KDM1A: variants seen among roughly 807,000 people sequenced by gnomAD.
The protein encoded by KDM1A is lysine-specific histone demethylase 1A.
In KDM1A, 49 loss-of-function variants were observed where a neutral mutation model predicts 109.4. The ratio of observed to expected loss-of-function variants is 0.45; its 90% confidence interval spans 0.36 to 0.57. The LOEUF (loss-of-function observed/expected upper bound fraction) is 0.57, where lower values mean the gene tolerates loss of function less well. Ranked by LOEUF, KDM1A falls within the 20% of genes least tolerant of loss-of-function variation. The pLI, the probability that KDM1A is intolerant of heterozygous loss-of-function variation, is 0.00. For synonymous variants in KDM1A, 380 were observed against 415.4 expected, an observed-to-expected ratio of 0.91 and a Z score of 1.04; for missense variants, 668 against 1,116.6, an observed-to-expected ratio of 0.60 and a Z score of 5.73.
chr1:23,050,535 C>CG lies in KDM1A; in HGVS notation c.711+15_711+16insG. On this transcript the variant is annotated intron_variant, in intron 4 of 20. Coordinates refer to ENST00000400181, the MANE Select transcript of KDM1A (RefSeq NM_001009999.3). ...GAAACCGCACAGTAAGTTTCCATTT[C>CG]AGCTTTTTCACCTGGATTATAAAAA... The CG allele has an allele frequency of 6.3e-7, 1 of 1,586,408 alleles. No homozygotes were observed.
At chr1:23,040,729 A>C (rs1400839836) in intron 2 of KDM1A, among the ~76,000 whole-genome samples, 1 of 152,134 alleles carries the variant, frequency 6.6e-6, no homozygotes, top group Non-Finnish European at 1.5e-5. Context: ...TCAAGGTTAC[A>C]GTGAACTGTG....
intron 15 of KDM1A, among the ~76,000 whole-genome samples, chr1:23,074,538 A>G (rs946584735): frequency 6.6e-6 from 1 of 152,132 alleles, no homozygotes; most frequent in African/African-American, 2.4e-5. Context: ...CCTGGGCTCA[A>G]GTGATCTTCC....
intron 10 of KDM1A, among the ~76,000 whole-genome samples, chr1:23,068,334 G>A (rs1294250993): frequency 6.6e-6 from 1 of 152,152 alleles, no homozygotes; most frequent in African/African-American, 2.4e-5. Flanking sequence ...GAGAAGAAGA[G>A]GAAATTGTCA....
rs57814592 is a variant in KDM1A, at chr1:23,027,501, ACC to A, written c.352-2960_352-2959del. Among the ~76,000 whole-genome samples the A allele has an allele frequency of 4.1e-4, 43 of 104,636 alleles. No individual in the cohort carries two copies. In the Admixed American group the frequency reaches 4.5e-3, roughly 11 times the overall value. The allele number at this position is 104,636 out of a possible 152,430, so 68.6% of individuals were successfully genotyped here. A position where few individuals can be genotyped will look rare whatever the true frequency, so the allele number is the denominator to read the frequency against. The stretch of plus-strand genomic sequence containing the variant: ...TAGATCACAGCTCACTGTAGCCTTG[ACC>A]CCCCCCCGCCCCCACCAGGTTCAAG... On this transcript the variant is annotated intron_variant, in intron 1 of 20. Transcript: ENST00000400181.
intron 1 of KDM1A, among the ~76,000 whole-genome samples, chr1:23,029,567 A>G (rs929179547): frequency 6.6e-6 from 1 of 152,160 alleles, no homozygotes; most frequent in Non-Finnish European, 1.5e-5. Context: ...CCTCTCCTTT[A>G]TAGCCAGTGT....
rs1447110391 is a variant in KDM1A, at chr1:23,020,029, G to C, written c.351+82G>C. ...TTCTCCGCCCTCCCCCGCCGCCGCC[G>C]GGTCTTGGGCCCTGCGACCACTCAG... On this transcript the variant is annotated intron_variant, in intron 1 of 20. Coordinates refer to ENST00000400181, the MANE Select transcript of KDM1A (RefSeq NM_001009999.3). The C allele has an allele frequency of 3.6e-6, 5 of 1,369,878 alleles. No homozygotes were observed. The African/African-American group carries it at 4.6e-5, about 13-fold the overall frequency. The allele number at this position is 1,369,878 out of a possible 1,614,324, so 84.9% of individuals were successfully genotyped here.
At chr1:23,070,030 A>AT (rs2124512845) in intron 12 of KDM1A, among the ~76,000 whole-genome samples, 1 of 152,344 alleles carries the variant, frequency 6.6e-6, no homozygotes, top group East Asian at 1.9e-4. Flanking sequence ...GTCTTCATGG[A>AT]TTGTGGTAAG....
At chr1:23,078,943 A>C (rs1643542363) in intron 16 of KDM1A, 47 bp from the exon 17 acceptor site, 1 of 1,499,098 alleles carries the variant, frequency 6.7e-7, no homozygotes, top group Non-Finnish European at 9.2e-7. Flanking sequence ...TGTCCTTATC[A>C]GTGCCATATT....
chr1:23,032,044 C>G (rs1386322815), intron 2 of KDM1A, among the ~76,000 whole-genome samples: 3 of 152,156 alleles, frequency 2.0e-5, no homozygotes, highest in African/African-American at 4.8e-5. Context: ...CAACCTTTCC[C>G]TTCACCCTGT....
chr1:23,055,037 A>C, intron 5 of KDM1A, 32 bp from the exon 6 acceptor site: 1 of 1,372,912 alleles, frequency 7.3e-7, no homozygotes, highest in Non-Finnish European at 1.0e-6. Context: ...TGCTGAAAAT[A>C]AAACCGTGTT....
intron 2 of KDM1A, among the ~76,000 whole-genome samples, chr1:23,044,131 C>G (rs953222127): frequency 2.6e-5 from 4 of 152,126 alleles, no homozygotes; most frequent in Admixed American, 2.0e-4. Flanking sequence ...TTTCCCCCAT[C>G]CAGACTATTA....
Position 23,073,332 on chromosome 1 carries a change from T to C in KDM1A, c.1663T>C (p.Trp555Arg). Reference sequence around the variant, plus strand: ...ATCAAGAGACAGACAAATACTTGATTGGCATTTTGCAAATCTTGAATTTGC... The same window carrying C: ...ATCAAGAGACAGACAAATACTTGATCGGCATTTTGCAAATCTTGAATTTGC... ...LSSRDRQILD[W>R]HFANLEFANA... The change falls in exon 15 of 21, where the codon TGG becomes CGG. Residue 555 changes from tryptophan (W) to arginine (R), a missense_variant. By Grantham distance (101) the Trp-to-Arg change is moderately radical. Coordinates refer to ENST00000400181, the MANE Select transcript of KDM1A (RefSeq NM_001009999.3). 1.2e-6 allele frequency: 2 copies of C among 1,611,614 alleles called. No individual in the cohort carries two copies. The highest frequency in any genetic ancestry group is 1.7e-6 in the Non-Finnish European group (2 of 1,178,042).
intron 15 of KDM1A, among the ~76,000 whole-genome samples, chr1:23,074,697 T>C (rs1643413861): frequency 6.6e-6 from 1 of 152,246 alleles, no homozygotes; most frequent in South Asian, 2.1e-4. Flanking sequence ...CTCTTATGTT[T>C]AGGTCTATAC....
chr1:23,026,188 A>G (rs930676214), intron 1 of KDM1A, among the ~76,000 whole-genome samples: 1 of 152,206 alleles, frequency 6.6e-6, no homozygotes, highest in Admixed American at 6.5e-5. Flanking sequence ...CTGTTAAGCT[A>G]TTAGAAAATA....
At chr1:23,027,143 A>G (rs1383017061) in intron 1 of KDM1A, among the ~76,000 whole-genome samples, 4 of 152,122 alleles carry the variant, frequency 2.6e-5, no homozygotes, top group African/African-American at 9.6e-5. Context: ...AATAAAACAC[A>G]CTACTATTAA....
At chr1:23,036,967 A>G (rs1355381852) in intron 2 of KDM1A, among the ~76,000 whole-genome samples, 5 of 152,140 alleles carry the variant, frequency 3.3e-5, no homozygotes, top group African/African-American at 9.7e-5. Context: ...GAGAAAGAGT[A>G]CATCCACCTG....
At chr1:23,075,253 T>C (rs1347953868) in intron 15 of KDM1A, among the ~76,000 whole-genome samples, 1 of 152,232 alleles carries the variant, frequency 6.6e-6, no homozygotes, top group Non-Finnish European at 1.5e-5. Context: ...ACAAGGCTTC[T>C]TGGACCAATC....
intron 10 of KDM1A, among the ~76,000 whole-genome samples, 184 bp downstream of exon 10, chr1:23,066,255 G>A (rs1282187860): frequency 6.6e-6 from 1 of 152,148 alleles, no homozygotes; most frequent in Non-Finnish European, 1.5e-5. Flanking sequence ...TTGAAAGCAC[G>A]TGTAAAACAT....
chr1:23,077,461 T>C (rs1643499684), intron 16 of KDM1A, 101 bp downstream of exon 16: 2 of 1,232,876 alleles, frequency 1.6e-6, no homozygotes, highest in South Asian at 3.5e-5. Context: ...ATAGAGTGTT[T>C]ATGACACCAT....
Sources: allele counts gnomAD v4.1 joint callset (sites outside exome capture counted in the v4.1 genomes callset), GRCh38; gene constraint gnomAD v4.1.1; transcripts MANE v1.5; gene names NCBI Gene and HGNC (gene_info 2026-07-23, HGNC 2026-07-21).